The following FAM151A variants were observed in gnomAD, a reference collection of about 807,000 sequenced individuals.
FAM151A encodes the protein protein FAM151A.
Under a neutral mutation model 40.4 loss-of-function variants are expected in FAM151A, and 41 were observed. The observed-to-expected ratio is 1.01, with a 90% CI of 0.79 to 1.32. The LOEUF (loss-of-function observed/expected upper bound fraction) is 1.32, where lower values mean the gene tolerates loss of function less well. Among genes scored for constraint, FAM151A ranks in the 40% most tolerant of loss-of-function variants. FAM151A has a pLI of 0.00. For missense variants in FAM151A, 740 were observed against 740.4 expected, an observed-to-expected ratio of 1.00 and a Z score of 0.01; for synonymous variants, 337 against 312.5, an observed-to-expected ratio of 1.08 and a Z score of -0.83.
At chr1:54,612,820 A>C in intron 4 of FAM151A, 110 bp from the exon 5 acceptor site, 1 of 770,474 alleles carries the variant, frequency 1.3e-6, no homozygotes, top group Non-Finnish European at 2.1e-6. Context: ...GATCTATGAT[A>C]AGGTCAGAAG....
chr1:54,609,587 C>T lies in FAM151A; in HGVS notation c.1439G>A (p.Trp480Ter), dbSNP rs1240285704. 6.2e-7 allele frequency: 1 copy of T among 1,612,988 alleles called. No homozygotes were observed. The change falls in exon 8 of 8, where the codon TGG (tryptophan) becomes TAG (stop). Residue 480 changes from tryptophan (W) to a stop codon, truncating the protein, a stop_gained. Coordinates refer to ENST00000302250, the MANE Select transcript of FAM151A (RefSeq NM_176782.3). LOFTEE classifies it low-confidence loss of function (END_TRUNC). ...GCCACTGCCCAGCACCTCCTCAGGC[C>T]AGCCTGGTGCCACAGTCACGTGGGG... ...VFPHVTVAPG[W>*]PEEVLGSGYR...
At chr1:54,622,824 G>A (rs921352621) in intron 1 of FAM151A, among the ~76,000 whole-genome samples, 1 of 120,694 alleles carries the variant, frequency 8.3e-6, no homozygotes, top group Non-Finnish European at 1.7e-5. Flanking sequence ...GTTGGGGGAT[G>A]GAAGAGAGAA....
rs1569777012 is a variant in FAM151A at position 54,609,666 on chromosome 1, C to G, written c.1360G>C (p.Val454Leu). 2 of 1,613,886 alleles carry G rather than the reference C, an allele frequency of 1.2e-6. No homozygotes were observed. Among genetic ancestry groups the G allele is most frequent in the Non-Finnish European group, 1.7e-6 (2 of 1,180,050 alleles). The change falls in exon 8 of 8, where the codon GTC becomes CTC. Residue 454 changes from valine to leucine, a missense_variant. By Grantham distance (32) the Val-to-Leu change is conservative (BLOSUM62 1). Transcript: ENST00000302250. ...GAKISHGSFS[V>L]PGHVAGRELL... ...TCTCTGCCAGCCACATGGCCGGGGA[C>G]CGAAAAACTCCCGTGGGAGATTTTG...
At chr1:54,612,362 G>T in intron 5 of FAM151A, 124 bp downstream of exon 5, 1 of 674,000 alleles carries the variant, frequency 1.5e-6, no homozygotes, top group Non-Finnish European at 2.6e-6. Flanking sequence ...CTCTGCAGAG[G>T]GCATGAGCAC....
rs751161378 is a variant in FAM151A at position 54,619,966 on chromosome 1, C to G, written c.160G>C (p.Asp54His). The G allele has an allele frequency of 1.2e-6, 2 of 1,614,160 alleles. No homozygotes were observed. The highest frequency in any genetic ancestry group is 1.7e-6 in the Non-Finnish European group (2 of 1,180,022). Residue 54 changes from aspartate (D) to histidine (H), a missense_variant, in exon 2 of 8, where the codon GAC (aspartate) becomes CAC (histidine). Transcript: ENST00000302250. ...ATCTGGCCCAGGCTCAGCAGGTAGTCCAGCATGTCGGCATCAGGGCTGCAG... is the reference window on the plus strand; with the variant it reads ...ATCTGGCCCAGGCTCAGCAGGTAGTGCAGCATGTCGGCATCAGGGCTGCAG... ...EACSPDADML[D>H]YLLSLGQISR...
intron 7 of FAM151A, 60 bp from the exon 8 acceptor site, chr1:54,610,001 G>T (rs1569778295): frequency 6.5e-7 from 1 of 1,536,208 alleles, no homozygotes; most frequent in South Asian, 1.2e-5. Context: ...GGTGTTAAGA[G>T]TCCCTTGTTA....
chr1:54,618,560 C>T (rs1187709529), intron 2 of FAM151A, among the ~76,000 whole-genome samples: 4 of 152,030 alleles, frequency 2.6e-5, no homozygotes, highest in Non-Finnish European at 5.9e-5. Context: ...ACTTGCCTTC[C>T]AGAGGCTGAA....
At chr1:54,615,922 G>T in intron 3 of FAM151A, 98 bp downstream of exon 3, 1 of 1,292,920 alleles carries the variant, frequency 7.7e-7, no homozygotes, top group Non-Finnish European at 1.1e-6. Context: ...AGCACCTCGT[G>T]TCAGGGCTGG....
Position 54,619,892 on chromosome 1 carries a change from G to A in FAM151A, c.234C>T (p.Ser78=). 1.9e-6 allele frequency: 3 copies of A among 1,614,110 alleles called. No homozygotes were observed. Among genetic ancestry groups the A allele is most frequent in the Non-Finnish European group, 2.5e-6 (3 of 1,180,026 alleles). The part of the protein sequence containing the change: ...LEVTWYHAAN[S]KKAMTAALNS... ...TCAGGGCAGCTGTCATGGCTTTCTT[G>A]CTGTTGGCTGCGTGGTACCAGGTGA... Residue 78 remains serine (S), a synonymous_variant, in exon 2 of 8, where the codon AGC becomes AGT. Coordinates refer to ENST00000302250, the MANE Select transcript of FAM151A (RefSeq NM_176782.3).
At chr1:54,619,541 A>C (rs1166565715) in intron 2 of FAM151A, among the ~76,000 whole-genome samples, 2 of 152,100 alleles carry the variant, frequency 1.3e-5, no homozygotes, top group Non-Finnish European at 2.9e-5. Flanking sequence ...TGAAGTGCAG[A>C]TTTCTGGCTT....
In FAM151A at chr1:54,609,641, T is replaced by C. The variant is rs1486424772; in HGVS notation, c.1385A>G (p.Glu462Gly). 6.2e-7 allele frequency: 1 copy of C among 1,613,844 alleles called. No individual in the cohort carries two copies. The highest frequency in any genetic ancestry group is 1.7e-5 in the Admixed American group (1 of 60,030). ...GACCTCAGCCACAGCTGTAAGCAGCTCTCTGCCAGCCACATGGCCGGGGAC... is the reference window on the plus strand; with the variant it reads ...GACCTCAGCCACAGCTGTAAGCAGCCCTCTGCCAGCCACATGGCCGGGGAC... ...FSVPGHVAGR[E>G]LLTAVAEVFP... is the part of the protein sequence containing the mutation. Residue 462 changes from glutamate (E) to glycine (G), a missense_variant, in exon 8 of 8, where the codon GAG (glutamate) becomes GGG (glycine). Physicochemically the swap from Glu to Gly is moderately conservative, Grantham distance 98 (BLOSUM62 -2). Transcript: ENST00000302250.
intron 1 of FAM151A, among the ~76,000 whole-genome samples, chr1:54,622,235 C>G (rs145142819): frequency 2.2e-5 from 3 of 134,364 alleles, no homozygotes; most frequent in Non-Finnish European, 4.6e-5. Context: ...GATATCATGT[C>G]ACCGCACTCT....
At position 54,616,110 on chromosome 1, in the gene FAM151A, C is replaced by A; in HGVS notation, c.325G>T (p.Gly109Ter). ...VEGLGTANET[G>*]VPIMAHPPTI... The stretch of plus-strand genomic sequence containing the variant: ...GGGGGGTGTGCCATGATGGGAACTC[C>A]TGTCTCATTGGCTGTGCCGAGCCCT... The change falls in exon 3 of 8, where the codon GGA becomes TGA. Residue 109 changes from glycine to a stop codon, truncating the protein, a stop_gained. Coordinates refer to ENST00000302250, the MANE Select transcript of FAM151A (RefSeq NM_176782.3). LOFTEE classifies it high-confidence loss of function. The A allele has an allele frequency of 6.2e-7, 1 of 1,614,190 alleles. No homozygotes were observed. Among genetic ancestry groups the A allele is most frequent in the East Asian group, 2.2e-5 (1 of 44,868 alleles).
Position 54,622,705 on chromosome 1 carries a change from C to T in FAM151A, c.118+573G>A, listed in dbSNP as rs545425950. Among the ~76,000 whole-genome samples, 13 of 152,192 alleles carry T rather than the reference C, an allele frequency of 8.5e-5. No individual in the cohort carries two copies. In the South Asian group the frequency reaches 2.7e-3, roughly 32 times the overall value. On this transcript the variant is annotated intron_variant, in intron 1 of 7. Transcript: ENST00000302250. ...AGTGAGTTGAGATTGCACCATTGCACTCCAGCCTGGGGGACAAGAGTGAAA... is the reference window on the plus strand; with the variant it reads ...AGTGAGTTGAGATTGCACCATTGCATTCCAGCCTGGGGGACAAGAGTGAAA...
chr1:54,609,430 G>A lies in FAM151A; in HGVS notation c.1596C>T (p.Ser532=). 7 of 1,613,860 alleles carry A rather than the reference G, an allele frequency of 4.3e-6. No homozygotes were observed. The highest frequency in any genetic ancestry group is 5.9e-6 in the Non-Finnish European group (7 of 1,180,016). Reference sequence around the variant, plus strand: ...GCTCCACTGTGACGGTGGCCCGGGGGGAGGATGCCAGCAGCCTGCCTATGG... The same window carrying A: ...GCTCCACTGTGACGGTGGCCCGGGGAGAGGATGCCAGCAGCCTGCCTATGG... ...AGAIGRLLAS[S]PRATVTVEHN... The change falls in exon 8 of 8, where the codon TCC becomes TCT. Residue 532 remains serine (S), a synonymous_variant. Transcript: ENST00000302250.
intron 1 of FAM151A, among the ~76,000 whole-genome samples, chr1:54,622,892 T>C (rs1327137935): frequency 6.6e-6 from 1 of 151,554 alleles, no homozygotes; most frequent in East Asian, 2.0e-4. Flanking sequence ...AAGAGCTGGT[T>C]GGCCAGGCAT....
chr1:54,612,703 C>G lies in FAM151A; in HGVS notation c.583G>C (p.Ala195Pro). The G allele has an allele frequency of 1.2e-6, 2 of 1,613,020 alleles. No homozygotes were observed. Among genetic ancestry groups the G allele is most frequent in the Non-Finnish European group, 8.5e-7 (1 of 1,179,526 alleles). Residue 195 changes from alanine (A) to proline (P), a missense_variant, in exon 5 of 8, where the codon GCC becomes CCC. By Grantham distance (27) the Ala-to-Pro change is conservative (BLOSUM62 -1). Transcript: ENST00000302250. ...TTGGGATACTTCTCCTGGACCAGGG[C>G]CAGGAACCTGCAAAAAAATCAGAGA... Reference protein sequence around the residue: ...STEVNATQFLALVQEKYPKAT... With the variant: ...STEVNATQFLPLVQEKYPKAT...
chr1:54,609,220 G>T lies in FAM151A; in HGVS notation c.*48C>A. The T allele has an allele frequency of 6.3e-7, 1 of 1,590,340 alleles. No homozygotes were observed. Among genetic ancestry groups the T allele is most frequent in the South Asian group, 1.1e-5 (1 of 87,006 alleles). On this transcript the variant is annotated 3_prime_UTR_variant, in exon 8 of 8. Transcript: ENST00000302250. Reference sequence around the variant, plus strand: ...GACCTTTATTTCTTCCTGCCTCCCCGTGGGAAGCCTCCGCCCTGAGGTCCG... The same window carrying T: ...GACCTTTATTTCTTCCTGCCTCCCCTTGGGAAGCCTCCGCCCTGAGGTCCG...
chr1:54,610,605 C>T, intron 6 of FAM151A, 50 bp from the exon 7 acceptor site: 1 of 1,587,432 alleles, frequency 6.3e-7, no homozygotes, highest in Non-Finnish European at 8.6e-7. Flanking sequence ...TCACAGAACA[C>T]CTTACCTGGT....
Sources: allele counts gnomAD v4.1 joint callset (sites outside exome capture counted in the v4.1 genomes callset), GRCh38; gene constraint gnomAD v4.1.1; transcripts MANE v1.5; gene names NCBI Gene and HGNC (gene_info 2026-07-23, HGNC 2026-07-21).